Variants in ATP1B1 observed in about 807,000 individuals in gnomAD.
ATP1B1 encodes sodium/potassium-transporting ATPase subunit beta-1.
Under a neutral mutation model 39.6 loss-of-function variants are expected in ATP1B1, and 3 were observed. That is an observed-to-expected ratio of 0.08 (90% CI 0.03 to 0.20). The LOEUF is 0.20. ATP1B1 is among the 10% of genes least tolerant of loss of function. The pLI, the probability that ATP1B1 is intolerant of heterozygous loss-of-function variation, is 1.00. For missense variants in ATP1B1, 216 were observed against 371.1 expected (o/e 0.58, Z 3.43); for synonymous variants, 139 against 135.0 (o/e 1.03, Z -0.20).
chr1:169,111,521 C>T, intron 2 of ATP1B1, 23 bp downstream of exon 2: 1 of 1,609,738 alleles, frequency 6.2e-7, no homozygotes, highest in Non-Finnish European at 8.5e-7. Context: ...TGAATAGCTT[C>T]ATTTCCTTCA....
intron 2 of ATP1B1, among the ~76,000 whole-genome samples, chr1:169,124,631 T>C (rs1658051149): frequency 6.6e-6 from 1 of 152,184 alleles, no homozygotes; most frequent in South Asian, 2.1e-4. Context: ...AGTGTTGTCA[T>C]TCATAAAATG....
chr1:169,106,754 C>A lies in ATP1B1; in HGVS notation c.-76C>A. On this transcript the variant is annotated 5_prime_UTR_variant, in exon 1 of 6. Transcript: ENST00000367815. ...AGAGAGCCAGGCCGGAGAAGCCGAGCGGCGCAGAGGACGCCAGGGCGCGCG... is the reference window on the plus strand; with the variant it reads ...AGAGAGCCAGGCCGGAGAAGCCGAGAGGCGCAGAGGACGCCAGGGCGCGCG... 2 of 1,206,024 alleles carry A rather than the reference C, an allele frequency of 1.7e-6. No homozygotes were observed. The highest frequency in any genetic ancestry group is 3.0e-5 in the South Asian group (2 of 66,506). The allele number at this position is 1,206,024 out of a possible 1,614,324, so 74.7% of individuals were successfully genotyped here.
chr1:169,120,564 A>T (rs867480073), intron 2 of ATP1B1, among the ~76,000 whole-genome samples: 1 of 152,238 alleles, frequency 6.6e-6, no homozygotes, highest in African/African-American at 2.4e-5. Flanking sequence ...GGCAAGTCAC[A>T]GGGTTCTAAG....
In ATP1B1 at chr1:169,127,329, A is replaced by C; in HGVS notation, c.488A>C (p.Asn163Thr). 6.2e-7 allele frequency: 1 copy of C among 1,612,722 alleles called. No individual in the cohort carries two copies. The highest frequency in any genetic ancestry group is 1.1e-5 in the South Asian group (1 of 90,542). The change falls in exon 4 of 6, where the codon AAT becomes ACT. Residue 163 changes from asparagine (N) to threonine (T), a missense_variant. Coordinates refer to ENST00000367815, the MANE Select transcript of ATP1B1 (RefSeq NM_001677.4). ...LEWLGNCSGL[N>T]DETYGYKEGK... ...TGGCTGGGAAATTGCTCTGGATTAA[A>C]TGATGAAACTTATGGCTACAAAGAG... is the stretch of plus-strand genomic sequence containing the variant.
intron 2 of ATP1B1, among the ~76,000 whole-genome samples, chr1:169,121,218 A>G (rs1353303852): frequency 6.6e-6 from 1 of 152,192 alleles, no homozygotes; most frequent in Non-Finnish European, 1.5e-5. Flanking sequence ...AAGTTCTGGG[A>G]TTACAGGCAT....
intron 2 of ATP1B1, among the ~76,000 whole-genome samples, chr1:169,114,923 G>A (rs1481290526): frequency 6.6e-6 from 1 of 151,842 alleles, no homozygotes; most frequent in Non-Finnish European, 1.5e-5. Context: ...CAGGAGTGGT[G>A]ACTCACGTCT....
rs561436143 is a variant in ATP1B1 at position 169,112,345 on chromosome 1, G to C, written c.226+847G>C. 2.0e-5 allele frequency among the ~76,000 whole-genome samples: 3 copies of C among 152,382 alleles called. No homozygotes were observed. In the East Asian group the frequency reaches 5.8e-4, roughly 29 times the overall value. On this transcript the variant is annotated intron_variant, in intron 2 of 5. Coordinates refer to ENST00000367815, the MANE Select transcript of ATP1B1 (RefSeq NM_001677.4). ...GCTGATAGGACAAGGCAGTGGAATA[G>C]CCACAAACGTGAATTTACCATCTGG...
Position 169,106,762 on chromosome 1 carries a change from A to C in ATP1B1, c.-68A>C. On this transcript the variant is annotated 5_prime_UTR_variant, in exon 1 of 6. Coordinates refer to ENST00000367815, the MANE Select transcript of ATP1B1 (RefSeq NM_001677.4). ...AGGCCGGAGAAGCCGAGCGGCGCAG[A>C]GGACGCCAGGGCGCGCGCCGCAGCC... The C allele has an allele frequency of 7.5e-7, 1 of 1,329,346 alleles. No homozygotes were observed. The allele number at this position is 1,329,346 out of a possible 1,614,324, so 82.3% of individuals were successfully genotyped here. A position where few individuals can be genotyped will look rare whatever the true frequency, so the allele number is the denominator to read the frequency against.
At chr1:169,128,138 C>G (rs763439810) in intron 4 of ATP1B1, among the ~76,000 whole-genome samples, 10 of 152,212 alleles carry the variant, frequency 6.6e-5, no homozygotes, top group Non-Finnish European at 1.2e-4. Flanking sequence ...ATTTCATCCT[C>G]TCCTCCAGAT....
intron 4 of ATP1B1, among the ~76,000 whole-genome samples, chr1:169,128,686 A>C (rs920418105): frequency 6.6e-6 from 1 of 152,246 alleles, no homozygotes; most frequent in Non-Finnish European, 1.5e-5. Flanking sequence ...TTTAGCAGCA[A>C]AAGAAATTGT....
Position 169,124,769 on chromosome 1 carries a change from C to A in ATP1B1, c.227-115C>A. The A allele has an allele frequency of 5.0e-6, 6 of 1,197,482 alleles. No homozygotes were observed. The Admixed American group carries it at 7.2e-5, about 14-fold the overall frequency. 74.2% of individuals were successfully genotyped at this position (1,197,482 alleles called of 1,614,324 possible). A position where few individuals can be genotyped will look rare whatever the true frequency, so the allele number is the denominator to read the frequency against. ...AGTGATTTAACAAGGGAGGCAAGAC[C>A]CTTTCTTTTTAGCCAAGTGGAGTTA... On this transcript the variant is annotated intron_variant, in intron 2 of 5. Transcript: ENST00000367815.
chr1:169,111,288 G>A, intron 1 of ATP1B1, 82 bp from the exon 2 acceptor site: 1 of 1,561,780 alleles, frequency 6.4e-7, no homozygotes, highest in Non-Finnish European at 8.7e-7. Flanking sequence ...CAGGAAGGAA[G>A]CTTGTTCATC....
Position 169,131,223 on chromosome 1 carries a change from C to CG in ATP1B1, c.649-69_649-68insG. 6.7e-7 allele frequency: 1 copy of CG among 1,487,412 alleles called. No individual in the cohort carries two copies. The highest frequency in any genetic ancestry group is 9.0e-7 in the Non-Finnish European group (1 of 1,108,294). 92.1% of individuals were successfully genotyped at this position (1,487,412 alleles called of 1,614,324 possible). Reference sequence around the variant, plus strand: ...TTGCAAACTACTGTGTAGATTGAGTCTTGTTTTTGAGTACACATAGTGATG... The same window carrying CG: ...TTGCAAACTACTGTGTAGATTGAGTCGTTGTTTTTGAGTACACATAGTGATG... On this transcript the variant is annotated intron_variant, in intron 5 of 5. Transcript: ENST00000367815. This position sits in a 1 kb window ranked among gnomAD's most constrained non-coding sequence, Gnocchi z 4.4.
intron 2 of ATP1B1, among the ~76,000 whole-genome samples, chr1:169,118,485 A>G (rs1292453497): frequency 6.6e-6 from 1 of 152,214 alleles, no homozygotes; most frequent in African/African-American, 2.4e-5. Context: ...TAGTTTCCAG[A>G]AAGTGCAAAG....
intron 1 of ATP1B1, among the ~76,000 whole-genome samples, chr1:169,109,778 T>TG (rs1246552422): frequency 9.4e-6 from 1 of 106,918 alleles, no homozygotes; most frequent in East Asian, 2.7e-4. Flanking sequence ...GAGGTGGGGG[T>TG]GGGGGGCAGC....
chr1:169,129,861 TC>T, intron 4 of ATP1B1, 148 bp from the exon 5 acceptor site: 1 of 607,816 alleles, frequency 1.6e-6, no homozygotes, highest in South Asian at 2.9e-5. Flanking sequence ...GTTAGGGGAG[TC>T]ATTCATTCTG....
At chr1:169,130,524 C>T (rs1658188368) in intron 5 of ATP1B1, among the ~76,000 whole-genome samples, 2 of 152,026 alleles carry the variant, frequency 1.3e-5, no homozygotes, top group Non-Finnish European at 1.5e-5. Context: ...TGCAGTGGCT[C>T]ACGCCTGTAA....
rs1364090822 is a variant in ATP1B1, at chr1:169,124,875, C to G, written c.227-9C>G. The G allele has an allele frequency of 1.2e-6, 2 of 1,610,320 alleles. No homozygotes were observed. Among genetic ancestry groups the G allele is most frequent in the South Asian group, 2.2e-5 (2 of 90,012 alleles). On this transcript the variant is annotated splice_polypyrimidine_tract_variant and intron_variant, in intron 2 of 5. Transcript: ENST00000367815. ...TTCCTACTAATGTTTTTCTCTCTGC[C>G]TGGTCTAGGATTAACACAGATTCCT...
intron 2 of ATP1B1, among the ~76,000 whole-genome samples, chr1:169,123,420 G>C (rs1005547972): frequency 3.3e-5 from 5 of 151,966 alleles, no homozygotes; most frequent in Non-Finnish European, 5.9e-5. Flanking sequence ...TGGGAAGCCA[G>C]GGTAGAGTCA....
Sources: allele counts gnomAD v4.1 joint callset (sites outside exome capture counted in the v4.1 genomes callset), GRCh38; gene constraint gnomAD v4.1.1; non-coding constraint Gnocchi (gnomAD v3.1); transcripts MANE v1.5; gene names NCBI Gene and HGNC (gene_info 2026-07-23, HGNC 2026-07-21).